Variants in PTPRM observed in about 807,000 individuals in gnomAD.
PTPRM encodes protein tyrosine phosphatase receptor type M.
In PTPRM, 47 loss-of-function variants were observed where a neutral mutation model predicts 186.7. The observed-to-expected ratio is 0.25, with a 90% CI of 0.20 to 0.32. The LOEUF (loss-of-function observed/expected upper bound fraction) is 0.32, where lower values mean the gene tolerates loss of function less well. Ranked by LOEUF, PTPRM falls within the 10% of genes least tolerant of loss-of-function variation. The pLI is 1.00. For synonymous variants in PTPRM, 668 were observed against 674.9 expected (o/e 0.99, Z 0.16); for missense variants, 1,494 against 1,865.0 (o/e 0.80, Z 3.66).
intron 1 of PTPRM, among the ~76,000 whole-genome samples, chr18:7,629,694 G>A (rs555547748): frequency 6.6e-6 from 1 of 152,276 alleles, no homozygotes; most frequent in East Asian, 1.9e-4. Context: ...CCACATTAAA[G>A]ATTTTAAGCA....
At chr18:7,824,103 A>G (rs1022269105) in intron 2 of PTPRM, among the ~76,000 whole-genome samples, 4 of 152,088 alleles carry the variant, frequency 2.6e-5, no homozygotes, top group East Asian at 1.9e-4. Context: ...TTTCACTGTC[A>G]TCTCACAGAC....
chr18:8,110,461 A>G (rs1378159138), intron 11 of PTPRM, among the ~76,000 whole-genome samples: 20 of 152,126 alleles, frequency 1.3e-4, no homozygotes, highest in Admixed American at 1.3e-3. Flanking sequence ...AGGGTGAAGG[A>G]AAAGAGGCAA....
intron 7 of PTPRM, among the ~76,000 whole-genome samples, chr18:7,981,008 A>G (rs2082518888): frequency 6.6e-6 from 1 of 151,996 alleles, no homozygotes; most frequent in Non-Finnish European, 1.5e-5. Flanking sequence ...CCCCCTCTCC[A>G]TCAGTTCCCC....
chr18:7,724,378 C>T (rs1370940358), intron 1 of PTPRM, among the ~76,000 whole-genome samples: 1 of 152,126 alleles, frequency 6.6e-6, no homozygotes. Context: ...AAAAAATTTA[C>T]AGCAACATGG....
chr18:8,066,000 T>C (rs1476477593), intron 7 of PTPRM, among the ~76,000 whole-genome samples: 1 of 152,214 alleles, frequency 6.6e-6, no homozygotes, highest in Non-Finnish European at 1.5e-5. Context: ...CCCTGTGGAA[T>C]GCCTCATTCA....
intron 14 of PTPRM, among the ~76,000 whole-genome samples, chr18:8,188,289 G>T (rs181501475): frequency 9.8e-5 from 15 of 152,330 alleles, no homozygotes; most frequent in African/African-American, 3.4e-4. Context: ...GTGGACAAAG[G>T]ATGTACACAG....
rs187951779 is a variant in PTPRM, at chr18:7,860,104, G to A, written c.197-28002G>A. Among the ~76,000 whole-genome samples, 90 of 150,772 alleles carry A rather than the reference G, an allele frequency of 6.0e-4. 3 individuals are homozygous for A. The East Asian group carries it at 0.015, about 26-fold the overall frequency. On this transcript the variant is annotated intron_variant, in intron 2 of 32. Coordinates refer to ENST00000580170, the MANE Select transcript of PTPRM (RefSeq NM_001105244.2). ...ATTTTTTTTTTTGAGACAGAGTCTC[G>A]CTGTGTCTCCCAGGCTGGAGTGCAG...
chr18:8,381,393 C>T (rs936258631), intron 29 of PTPRM, among the ~76,000 whole-genome samples: 5 of 149,750 alleles, frequency 3.3e-5, no homozygotes, highest in African/African-American at 9.8e-5. Flanking sequence ...TGAAGCATTT[C>T]GGCATCCCAA....
At chr18:7,866,339 CCT>C (rs146303860) in intron 2 of PTPRM, among the ~76,000 whole-genome samples, 1,548 of 152,240 alleles carry the variant, frequency 0.01, 28 homozygotes, top group African/African-American at 0.035. Flanking sequence ...TGTAAATTTC[CCT>C]CTAAACACTG....
chr18:8,125,895 T>A (rs928735812), intron 13 of PTPRM, among the ~76,000 whole-genome samples: 2 of 149,368 alleles, frequency 1.3e-5, no homozygotes, highest in Non-Finnish European at 3.0e-5. Flanking sequence ...CTAGGCTTTT[T>A]AAATTAAGAT....
At chr18:7,726,168 C>T (rs1374414793) in intron 1 of PTPRM, among the ~76,000 whole-genome samples, 7 of 152,132 alleles carry the variant, frequency 4.6e-5, no homozygotes, top group African/African-American at 2.4e-5. Flanking sequence ...CTCCATTTCC[C>T]GCCTGTGAAG....
At chr18:7,956,164 T>C (rs1287596088) in intron 7 of PTPRM, among the ~76,000 whole-genome samples, 1 of 152,228 alleles carries the variant, frequency 6.6e-6, no homozygotes, top group Non-Finnish European at 1.5e-5. Context: ...TTTTGTCTTG[T>C]AAATGAGGAA....
intron 2 of PTPRM, among the ~76,000 whole-genome samples, chr18:7,789,806 A>G (rs2145191354): frequency 6.6e-6 from 1 of 152,292 alleles, no homozygotes; most frequent in East Asian, 1.9e-4. Context: ...TTTTGTTCAT[A>G]TACGGTTACC....
chr18:7,927,902 G>C (rs182840628), intron 5 of PTPRM, among the ~76,000 whole-genome samples: 1 of 151,938 alleles, frequency 6.6e-6, no homozygotes, highest in Admixed American at 6.6e-5. Flanking sequence ...CACCATGCTT[G>C]AGTAATTATT....
At chr18:8,372,056 C>A (rs866217737) in intron 24 of PTPRM, among the ~76,000 whole-genome samples, 20 of 59,060 alleles carry the variant, frequency 3.4e-4, no homozygotes, top group African/African-American at 9.8e-4. Flanking sequence ...ACTCTATATT[C>A]TTTTTTTTTT....
intron 1 of PTPRM, among the ~76,000 whole-genome samples, chr18:7,709,211 C>T (rs965652820): frequency 6.6e-6 from 1 of 152,076 alleles, no homozygotes; most frequent in African/African-American, 2.4e-5. Context: ...TATCAATTAT[C>T]TTCTCAGACC....
At chr18:7,583,173 T>A (rs1281605074) in intron 1 of PTPRM, among the ~76,000 whole-genome samples, 1 of 152,248 alleles carries the variant, frequency 6.6e-6, no homozygotes, top group Non-Finnish European at 1.5e-5. Flanking sequence ...TTCTTCCATT[T>A]GTGATCTTGA....
chr18:7,953,250 C>G (rs2053094465), intron 6 of PTPRM, among the ~76,000 whole-genome samples: 1 of 152,040 alleles, frequency 6.6e-6, no homozygotes, highest in Non-Finnish European at 1.5e-5. Flanking sequence ...TACTCATGAC[C>G]CTTTGTGACT....
intron 1 of PTPRM, among the ~76,000 whole-genome samples, chr18:7,769,886 TGA>T (rs2042192669): frequency 6.6e-6 from 1 of 152,126 alleles, no homozygotes; most frequent in Admixed American, 6.6e-5. Context: ...CGTGTGTGTG[TGA>T]GAGACAGCGA....
Sources: gnomAD v4.1 joint callset for allele counts (sites outside exome capture counted in the v4.1 genomes callset) on GRCh38, gnomAD v4.1.1 for gene constraint, MANE v1.5 for transcripts, NCBI Gene and HGNC (gene_info 2026-07-23, HGNC 2026-07-21) for gene names.